PKP2: variants seen among roughly 807,000 people sequenced by gnomAD.
PKP2 encodes the protein plakophilin-2.
Under a neutral mutation model 83.4 loss-of-function variants are expected in PKP2, and 73 were observed. That is an observed-to-expected ratio of 0.88 (90% CI 0.72 to 1.06). The LOEUF (loss-of-function observed/expected upper bound fraction) is 1.06, where lower values mean the gene tolerates loss of function less well. Among genes scored for constraint, PKP2 ranks in the 50% least tolerant of loss-of-function variants. The probability of loss-of-function intolerance (pLI) is 0.00; values close to 1 mark genes in which losing one functional copy is unlikely to be tolerated. For missense variants in PKP2, 966 were observed against 1,065.4 expected, an observed-to-expected ratio of 0.91 and a Z score of 1.30; for synonymous variants, 409 against 430.4, an observed-to-expected ratio of 0.95 and a Z score of 0.62.
chr12:32,808,572 A>T (rs1447851111), intron 9 of PKP2, among the ~76,000 whole-genome samples: 1 of 152,190 alleles, frequency 6.6e-6, no homozygotes, highest in Non-Finnish European at 1.5e-5. Context: ...GCCTTGCTGG[A>T]GAGGTGTTGC....
chr12:32,868,912 G>GT lies in PKP2; in HGVS notation c.1170+14_1170+15insA. 2 of 1,611,870 alleles carry GT rather than the reference G, an allele frequency of 1.2e-6. No homozygotes were observed. The highest frequency in any genetic ancestry group is 2.2e-5 in the South Asian group (2 of 90,992). On this transcript the variant is annotated intron_variant, in intron 4 of 12. Transcript: ENST00000340811. ...AGTGTGTTGCGCTTTGCAATGGACT[G>GT]AAGATGACACTCACCCTCTTCCGAG...
chr12:32,890,440 G>A (rs1335206305), intron 1 of PKP2, among the ~76,000 whole-genome samples: 2 of 152,110 alleles, frequency 1.3e-5, no homozygotes, highest in Admixed American at 6.5e-5. Context: ...TTAGGTTAAC[G>A]AATGTTATTA....
At chr12:32,853,529 C>G (rs1238329590) in intron 4 of PKP2, among the ~76,000 whole-genome samples, 1 of 130,048 alleles carries the variant, frequency 7.7e-6, no homozygotes, top group African/African-American at 3.1e-5. Flanking sequence ...TTTTTTGAGA[C>G]GGAGTCTCGC....
Position 32,865,583 on chromosome 12 carries a change from G to A in PKP2, c.1170+3344C>T, listed in dbSNP as rs186443166. 4.6e-3 allele frequency among the ~76,000 whole-genome samples: 691 copies of A among 150,542 alleles called. 6 individuals are homozygous for A. The highest frequency in any genetic ancestry group is 0.016 in the African/African-American group (670 of 40,864). On this transcript the variant is annotated intron_variant, in intron 4 of 12. Transcript: ENST00000340811. ...TGCCTATAATCCCAGCTACTTGGGA[G>A]GCTGAGGCAGGAGAATAGCTTGAAC...
Position 32,859,044 on chromosome 12 carries a change from C to T in PKP2, c.1171-8071G>A, listed in dbSNP as rs540209042. Among the ~76,000 whole-genome samples, 35 of 152,312 alleles carry T rather than the reference C, an allele frequency of 2.3e-4. 1 individual carries two copies. In the South Asian group the frequency reaches 7.0e-3, roughly 31 times the overall value. ...TATTTGAGCCTTTGCACTTCTATTT[C>T]TACCAGTTGAGTTACATGTTTACCA... is the stretch of plus-strand genomic sequence containing the variant. On this transcript the variant is annotated intron_variant, in intron 4 of 12. Transcript: ENST00000340811.
At chr12:32,828,884 G>C (rs1270475376) in intron 6 of PKP2, among the ~76,000 whole-genome samples, 1 of 152,134 alleles carries the variant, frequency 6.6e-6, no homozygotes, top group Non-Finnish European at 1.5e-5. Flanking sequence ...ATCTTTTCAA[G>C]ACACTTCACC....
chr12:32,851,126 T>C (rs144711002), intron 4 of PKP2, among the ~76,000 whole-genome samples, 153 bp from the exon 5 acceptor site: 284 of 152,344 alleles, frequency 1.9e-3, no homozygotes, highest in African/African-American at 6.6e-3. Flanking sequence ...TTGTAGAATA[T>C]ACCCCGGCTA....
intron 1 of PKP2, among the ~76,000 whole-genome samples, chr12:32,882,281 C>G (rs1365078129): frequency 6.6e-6 from 1 of 152,100 alleles, no homozygotes; most frequent in Non-Finnish European, 1.5e-5. Context: ...CATTTATGGA[C>G]CGTAGCTGGA....
intron 3 of PKP2, 53 bp from the exon 4 acceptor site, chr12:32,869,115 T>A: frequency 6.2e-7 from 1 of 1,606,878 alleles, no homozygotes; most frequent in East Asian, 2.2e-5. Flanking sequence ...TCCTCCTGCC[T>A]ACCAACCTGG....
chr12:32,862,675 T>C (rs539527958), intron 4 of PKP2, among the ~76,000 whole-genome samples: 47 of 151,584 alleles, frequency 3.1e-4, no homozygotes, highest in African/African-American at 1.1e-3. Context: ...AGAAAATTCT[T>C]CAGATCATCT....
rs924403250 is a variant in PKP2 at position 32,892,823 on chromosome 12, G to A, written c.223+3686C>T. ...TCAGATACCTGGGGTGGGGGCGGGG[G>A]GGGGGGGAGAACTGTGTAGCAAGTA... is the stretch of plus-strand genomic sequence containing the variant. On this transcript the variant is annotated intron_variant, in intron 1 of 12. Transcript: ENST00000340811. Among the ~76,000 whole-genome samples the A allele has an allele frequency of 3.3e-5, 4 of 122,262 alleles. 1 individual carries two copies. The highest frequency in any genetic ancestry group is 7.1e-5 in the Non-Finnish European group (4 of 56,024). The allele number at this position is 122,262 out of a possible 152,430, so 80.2% of individuals were successfully genotyped here.
intron 4 of PKP2, among the ~76,000 whole-genome samples, chr12:32,865,771 A>C (rs1956843304): frequency 6.6e-6 from 1 of 151,982 alleles, no homozygotes; most frequent in Non-Finnish European, 1.5e-5. Flanking sequence ...CAGCAAAGAT[A>C]CAAAGACAAT....
rs566530130 is a variant in PKP2 at position 32,807,208 on chromosome 12, A to G, written c.2014-4652T>C. ...TGTTTTTTGGTGGAGAGTTCTGTAG[A>G]TATCTATCAGGTCCGCTTGATCCAG... On this transcript the variant is annotated intron_variant, in intron 9 of 12. Transcript: ENST00000340811. 3.9e-5 allele frequency among the ~76,000 whole-genome samples: 6 copies of G among 152,284 alleles called. No homozygotes were observed. In the South Asian group the frequency reaches 1.0e-3, roughly 26 times the overall value.
chr12:32,792,479 T>C lies in PKP2; in HGVS notation c.2459A>G (p.Lys820Arg). The change falls in exon 13 of 13, where the codon AAG (lysine) becomes AGG (arginine). Residue 820 changes from lysine (K) to arginine (R), a missense_variant. Coordinates refer to ENST00000340811, the MANE Select transcript of PKP2 (RefSeq NM_001005242.3). The stretch of plus-strand genomic sequence containing the variant: ...AGTCCGGCTGTTGACAAAATCTGTC[T>C]TCTTAAACTGAGCCTTTGGAATAAG... ...HHAYKKAQFKKTDFVNSRTAK... is the reference protein window; with the variant it reads ...HHAYKKAQFKRTDFVNSRTAK... 6.2e-7 allele frequency: 1 copy of C among 1,613,822 alleles called. No homozygotes were observed. Among genetic ancestry groups the C allele is most frequent in the Non-Finnish European group, 8.5e-7 (1 of 1,179,702 alleles).
In PKP2 at chr12:32,868,926, C is replaced by G. The variant is rs786204392; in HGVS notation, c.1170+1G>C. The G allele has an allele frequency of 1.2e-6, 2 of 1,612,592 alleles. No homozygotes were observed. The highest frequency in any genetic ancestry group is 1.7e-6 in the Non-Finnish European group (2 of 1,179,764). On this transcript the variant is annotated splice_donor_variant, in intron 4 of 12. Coordinates refer to ENST00000340811, the MANE Select transcript of PKP2 (RefSeq NM_001005242.3). LOFTEE classifies it high-confidence loss of function. ...TGCAATGGACTGAAGATGACACTCA[C>G]CCTCTTCCGAGCTTCAGATTTCTGG...
At chr12:32,824,457 G>A (rs544176055) in intron 6 of PKP2, 38 of 384,764 alleles carry the variant, frequency 9.9e-5, no homozygotes, top group African/African-American at 7.2e-4. Context: ...GTGTGGATAT[G>A]AGGCAAATGT....
In PKP2 at chr12:32,792,193, A is replaced by G. The variant is rs1956074072; in HGVS notation, c.*231T>C. The G allele has an allele frequency of 1.7e-6, 1 of 572,684 alleles. No homozygotes were observed. Among genetic ancestry groups the G allele is most frequent in the Non-Finnish European group, 3.1e-6 (1 of 320,600 alleles). The allele number at this position is 572,684 out of a possible 1,614,324, so 35.5% of individuals were successfully genotyped here. A position where few individuals can be genotyped will look rare whatever the true frequency, so the allele number is the denominator to read the frequency against. On this transcript the variant is annotated 3_prime_UTR_variant, in exon 13 of 13. Transcript: ENST00000340811. Reference sequence around the variant, plus strand: ...GCCATGTACCATAAGCCCTAATAACAAAGACCACTATTTGTCGAGCCTGTG... The same window carrying G: ...GCCATGTACCATAAGCCCTAATAACGAAGACCACTATTTGTCGAGCCTGTG...
chr12:32,868,813 C>T (rs761935962), intron 4 of PKP2, 114 bp downstream of exon 4: 9 of 1,193,110 alleles, frequency 7.5e-6, no homozygotes, highest in African/African-American at 1.5e-5. Flanking sequence ...TGAACCACCA[C>T]GCACGGTCCC....
chr12:32,865,018 C>A (rs866257089), intron 4 of PKP2, among the ~76,000 whole-genome samples: 1 of 152,064 alleles, frequency 6.6e-6, no homozygotes. Flanking sequence ...ATGGTATCCT[C>A]AAAAAATCAA....
Sources: gnomAD v4.1 joint callset for allele counts (sites outside exome capture counted in the v4.1 genomes callset) on GRCh38, gnomAD v4.1.1 for gene constraint, MANE v1.5 for transcripts, NCBI Gene and HGNC (gene_info 2026-07-23, HGNC 2026-07-21) for gene names.